The following DIS3L2 variants were observed in gnomAD, a reference collection of about 807,000 sequenced individuals.
DIS3L2 encodes the protein DIS3-like exonuclease 2.
In DIS3L2, 34 loss-of-function variants were observed where a neutral mutation model predicts 97.5. The ratio of observed to expected loss-of-function variants is 0.35; its 90% CI spans 0.27 to 0.46. DIS3L2 has a LOEUF of 0.46. DIS3L2 is among the 20% of genes least tolerant of loss of function. DIS3L2 has a pLI of 1.00. For missense variants in DIS3L2, 1,038 were observed against 1,146.0 expected (o/e 0.91, Z 1.36); for synonymous variants, 435 against 445.2 (o/e 0.98, Z 0.29).
intron 9 of DIS3L2, among the ~76,000 whole-genome samples, chr2:232,182,376 G>A (rs1353812190): frequency 2.0e-5 from 3 of 152,174 alleles, no homozygotes; most frequent in African/African-American, 4.8e-5. Context: ...CACTTTAGAA[G>A]AATATGTTTT....
chr2:232,002,185 A>G (rs1693928065), intron 1 of DIS3L2, among the ~76,000 whole-genome samples: 1 of 152,040 alleles, frequency 6.6e-6, no homozygotes, highest in Non-Finnish European at 1.5e-5. Flanking sequence ...TTGATAGTAA[A>G]TGTGCTTTTT....
chr2:232,160,486 CCT>C (rs1360963276), intron 8 of DIS3L2, among the ~76,000 whole-genome samples: 1 of 152,054 alleles, frequency 6.6e-6, no homozygotes, highest in East Asian at 1.9e-4. Context: ...AATGGTGTCT[CCT>C]CTCTCATTCT....
chr2:232,092,089 G>A (rs1198906674), intron 6 of DIS3L2, among the ~76,000 whole-genome samples: 1 of 152,172 alleles, frequency 6.6e-6, no homozygotes, highest in African/African-American at 2.4e-5. Flanking sequence ...AGAGATAGGA[G>A]TCTAGTTTCA....
intron 13 of DIS3L2, among the ~76,000 whole-genome samples, chr2:232,284,274 T>C (rs1694370361): frequency 6.6e-6 from 1 of 152,090 alleles, no homozygotes; most frequent in Admixed American, 6.5e-5. Flanking sequence ...AGCACTGAAC[T>C]GAGAGTCAGG....
chr2:232,343,682 G>A, exon 14 of DIS3L2: 1 of 1,227,078 alleles, frequency 8.1e-7, no homozygotes, highest in Non-Finnish European at 1.1e-6. Context: ...TAGAAAAGGA[G>A]CTGGATGTGG....
chr2:232,175,334 G>C (rs1574926934), intron 9 of DIS3L2, among the ~76,000 whole-genome samples: 1 of 152,152 alleles, frequency 6.6e-6, no homozygotes, highest in Admixed American at 6.6e-5. Flanking sequence ...ACTATCATAT[G>C]TTGAGCCATC....
chr2:232,035,137 C>T (rs1043064563), intron 5 of DIS3L2, among the ~76,000 whole-genome samples: 1 of 152,152 alleles, frequency 6.6e-6, no homozygotes, highest in African/African-American at 2.4e-5. Context: ...GAGTCTAAGT[C>T]TCTTTATAGG....
At chr2:232,217,953 G>A (rs187746557) in intron 10 of DIS3L2, among the ~76,000 whole-genome samples, 1 of 152,210 alleles carries the variant, frequency 6.6e-6, no homozygotes, top group African/African-American at 2.4e-5. Context: ...ACCCAGCAAG[G>A]CCTGTGCAGA....
At chr2:232,232,443 G>A (rs781749257) in intron 10 of DIS3L2, among the ~76,000 whole-genome samples, 5 of 152,210 alleles carry the variant, frequency 3.3e-5, no homozygotes, top group Non-Finnish European at 7.3e-5. Flanking sequence ...AGAAGCCATG[G>A]TGGTCTTGGC....
chr2:232,249,179 A>G, intron 11 of DIS3L2, 60 bp from the exon 12 acceptor site: 2 of 1,552,110 alleles, frequency 1.3e-6, no homozygotes, highest in Non-Finnish European at 1.8e-6. Context: ...AACTCTGCCC[A>G]CTGGGCTTCT....
chr2:232,064,101 T>A (rs1695787429), intron 5 of DIS3L2, among the ~76,000 whole-genome samples: 1 of 152,150 alleles, frequency 6.6e-6, no homozygotes. Context: ...AATTTACATA[T>A]AGTAAAAAAT....
intron 4 of DIS3L2, among the ~76,000 whole-genome samples, chr2:232,026,105 A>G (rs1233522968): frequency 6.6e-6 from 1 of 152,186 alleles, no homozygotes; most frequent in Admixed American, 6.5e-5. Context: ...ATAACACAGT[A>G]TAGAATTTCC....
intron 9 of DIS3L2, among the ~76,000 whole-genome samples, chr2:232,188,449 A>G (rs1691508593): frequency 6.6e-6 from 1 of 152,240 alleles, no homozygotes; most frequent in Non-Finnish European, 1.5e-5. Flanking sequence ...CTGATTTTTA[A>G]CAGAGGAGCA....
intron 10 of DIS3L2, among the ~76,000 whole-genome samples, chr2:232,237,690 G>A (rs1221984910): frequency 6.6e-6 from 1 of 151,888 alleles, no homozygotes; most frequent in Non-Finnish European, 1.5e-5. Context: ...GGTTGGGGGC[G>A]GGGTGGTGGG....
intron 9 of DIS3L2, among the ~76,000 whole-genome samples, chr2:232,185,027 A>G (rs1440573576): frequency 6.6e-6 from 1 of 152,178 alleles, no homozygotes; most frequent in Non-Finnish European, 1.5e-5. Flanking sequence ...ACTTGCCATA[A>G]TGTACCTAAT....
intron 5 of DIS3L2, among the ~76,000 whole-genome samples, chr2:232,083,819 C>G (rs1489000215): frequency 6.6e-6 from 1 of 152,066 alleles, no homozygotes; most frequent in African/African-American, 2.4e-5. Context: ...AGGAGACTAC[C>G]TTTTACCTGC....
chr2:232,055,735 G>C (rs1242587730), intron 5 of DIS3L2, among the ~76,000 whole-genome samples: 1 of 152,162 alleles, frequency 6.6e-6, no homozygotes, highest in Non-Finnish European at 1.5e-5. Context: ...CCATAAGTGA[G>C]CACAGTTACA....
intron 9 of DIS3L2, among the ~76,000 whole-genome samples, chr2:232,189,197 C>T (rs1463368151): frequency 6.6e-6 from 1 of 152,160 alleles, no homozygotes; most frequent in Non-Finnish European, 1.5e-5. Flanking sequence ...AAAAACTAAA[C>T]ACAACCCGGT....
At chr2:232,110,479 G>A (rs1697493488) in intron 6 of DIS3L2, among the ~76,000 whole-genome samples, 1 of 152,198 alleles carries the variant, frequency 6.6e-6, no homozygotes, top group Non-Finnish European at 1.5e-5. Context: ...TAAAGAAAAT[G>A]TGGTACATAC....
Sources: gnomAD v4.1 joint callset for allele counts (sites outside exome capture counted in the v4.1 genomes callset) on GRCh38, gnomAD v4.1.1 for gene constraint, MANE v1.5 for transcripts, NCBI Gene and HGNC (gene_info 2026-07-23, HGNC 2026-07-21) for gene names.